CMTM5: variants seen among roughly 807,000 people sequenced by gnomAD.
CMTM5 encodes CKLF like MARVEL transmembrane domain containing 5.
Under a neutral mutation model 26.9 loss-of-function variants are expected in CMTM5, and 25 were observed. The ratio of observed to expected loss-of-function variants is 0.93; its 90% CI spans 0.68 to 1.30. CMTM5 has a LOEUF of 1.30. Ranked by LOEUF, CMTM5 falls within the 50% of genes most tolerant of loss-of-function variation. CMTM5 has a pLI of 0.00. For missense variants in CMTM5, 292 were observed against 289.6 expected (o/e 1.01, Z -0.06); for synonymous variants, 98 against 115.5 (o/e 0.85, Z 0.97).
chr14:23,377,769 A>G lies in CMTM5; in HGVS notation c.126+392A>G, dbSNP rs903974526. On this transcript the variant is annotated intron_variant, in intron 1 of 5. Coordinates refer to ENST00000339180, the MANE Select transcript of CMTM5 (RefSeq NM_001288746.2). The surrounding 1 kb of genome is among the most constrained non-coding windows in gnomAD (Gnocchi z 4.6). ...ACTTTATCTGTGGTCTGCTGCCCAG[A>G]AACATCTCTTCTCAGGAAAGGATCT... The G allele has an allele frequency of 5.1e-6, 1 of 196,262 alleles. No individual in the cohort carries two copies. The allele number at this position is 196,262 out of a possible 1,614,324, so 12.2% of individuals were successfully genotyped here.
At chr14:23,379,192 T>C in intron 4 of CMTM5, 69 bp downstream of exon 4, 1 of 1,599,490 alleles carries the variant, frequency 6.3e-7, no homozygotes, top group Non-Finnish European at 8.5e-7. Context: ...ACTTTCTGTA[T>C]CAGAAGCCAC....
In CMTM5 at chr14:23,378,676, GCCACGGGCAATCAGGAGGA is replaced by G. The variant is rs1477779197; in HGVS notation, c.292_310del (p.Gly98IlefsTer3). 3 of 1,613,004 alleles carry G rather than the reference GCCACGGGCAATCAGGAGGA, an allele frequency of 1.9e-6. No individual in the cohort carries two copies. Among genetic ancestry groups the G allele is most frequent in the Non-Finnish European group, 2.5e-6 (3 of 1,179,854 alleles). On this transcript the variant is annotated frameshift_variant, in exon 3 of 6. Coordinates refer to ENST00000339180, the MANE Select transcript of CMTM5 (RefSeq NM_001288746.2). LOFTEE classifies it high-confidence loss of function. This position sits in a 1 kb window ranked among gnomAD's most constrained non-coding sequence, Gnocchi z 4.2. ...CTCACACTGATTTCACAGCTGCAGG[GCCACGGGCAATCAGGAGGA>G]CCACATCCGCTAGATCTACTCTCCC...
rs1027538659 is a variant in CMTM5 at position 23,377,231 on chromosome 14, G to C, written c.-21G>C. ...GCTGGGCTTTTGGCAGTAGGGGGCT[G>C]TGTTGGTGGGCCCTACGAAGATGCT... is the stretch of plus-strand genomic sequence containing the variant. On this transcript the variant is annotated 5_prime_UTR_variant, in exon 1 of 6. Coordinates refer to ENST00000339180, the MANE Select transcript of CMTM5 (RefSeq NM_001288746.2). The surrounding 1 kb of genome is among the most constrained non-coding windows in gnomAD (Gnocchi z 4.6). 4 of 1,609,872 alleles carry C rather than the reference G, an allele frequency of 2.5e-6. No homozygotes were observed. Among genetic ancestry groups the C allele is most frequent in the Non-Finnish European group, 3.4e-6 (4 of 1,178,748 alleles).
rs1402928670 is a variant in CMTM5 at position 23,379,762 on chromosome 14, T to G, written c.*275T>G. ...TCTAAGTCATTCCCAAATTAAAATA[T>G]TCAAATTCTACTGGTGAGTCTCTTT... On this transcript the variant is annotated 3_prime_UTR_variant, in exon 6 of 6. Coordinates refer to ENST00000339180, the MANE Select transcript of CMTM5 (RefSeq NM_001288746.2). 2 of 757,160 alleles carry G rather than the reference T, an allele frequency of 2.6e-6. No homozygotes were observed. The highest frequency in any genetic ancestry group is 2.8e-5 in the East Asian group (1 of 35,718). The allele number at this position is 757,160 out of a possible 1,614,324, so 46.9% of individuals were successfully genotyped here.
chr14:23,376,793 A>C (rs564910359), upstream of CMTM5: 102 of 157,564 alleles, frequency 6.5e-4, 1 homozygote, highest in African/African-American at 2.3e-3. Context: ...GGACCGGCCA[A>C]ACAAGAGGGT....
rs1314958366 is a variant in CMTM5 at position 23,377,108 on chromosome 14, G to A, written c.-144G>A. The A allele has an allele frequency of 1.2e-5, 14 of 1,150,720 alleles. No individual in the cohort carries two copies. Among genetic ancestry groups the A allele is most frequent in the Admixed American group, 8.9e-5 (4 of 45,176 alleles). The allele number at this position is 1,150,720 out of a possible 1,614,324, so 71.3% of individuals were successfully genotyped here. On this transcript the variant is annotated 5_prime_UTR_variant, in exon 1 of 6. Transcript: ENST00000339180. The surrounding 1 kb of genome is among the most constrained non-coding windows in gnomAD (Gnocchi z 4.6). ...CCCCCAGCGCCTGCCTTCTCTCCCG[G>A]GGCCCTGTGGGCAAGCCTCCTGCTT...
In CMTM5 at chr14:23,377,533, C is replaced by G; in HGVS notation, c.126+156C>G. 1 of 773,848 alleles carries G rather than the reference C, an allele frequency of 1.3e-6. No homozygotes were observed. The highest frequency in any genetic ancestry group is 3.2e-5 in the East Asian group (1 of 31,202). 47.9% of individuals were successfully genotyped at this position (773,848 alleles called of 1,614,324 possible). A position where few individuals can be genotyped will look rare whatever the true frequency, so the allele number is the denominator to read the frequency against. On this transcript the variant is annotated intron_variant, in intron 1 of 5. Transcript: ENST00000339180. This position sits in a 1 kb window ranked among gnomAD's most constrained non-coding sequence, Gnocchi z 4.6. Reference sequence around the variant, plus strand: ...AGCTGCCCCTTCTTCGTCTCCTACTCTGCCTTCTTGCTGCCTCTCCACCCG... The same window carrying G: ...AGCTGCCCCTTCTTCGTCTCCTACTGTGCCTTCTTGCTGCCTCTCCACCCG...
chr14:23,378,490 TG>T lies in CMTM5; in HGVS notation c.270del (p.Trp90CysfsTer17), dbSNP rs1890686765. 1 of 1,614,034 alleles carries T rather than the reference TG, an allele frequency of 6.2e-7. No homozygotes were observed. The highest frequency in any genetic ancestry group is 8.5e-7 in the Non-Finnish European group (1 of 1,180,006). ...CTACCAGCGCTTCGACCGAATTAAC[TG>T]GCCCTGTCTGGTGAGGAACCCTGAC... ...QYYQRFDRIN[W>X]PCLLQGHGQS... On this transcript the variant is annotated frameshift_variant, in exon 2 of 6. Coordinates refer to ENST00000339180, the MANE Select transcript of CMTM5 (RefSeq NM_001288746.2). LOFTEE classifies it high-confidence loss of function. This position sits in a 1 kb window ranked among gnomAD's most constrained non-coding sequence, Gnocchi z 4.2.
chr14:23,379,702 T>C lies in CMTM5; in HGVS notation c.*215T>C. 2.4e-6 allele frequency: 1 copy of C among 425,188 alleles called. No individual in the cohort carries two copies. The highest frequency in any genetic ancestry group is 4.1e-6 in the Non-Finnish European group (1 of 243,614). 26.3% of individuals were successfully genotyped at this position (425,188 alleles called of 1,614,324 possible). A position where few individuals can be genotyped will look rare whatever the true frequency, so the allele number is the denominator to read the frequency against. On this transcript the variant is annotated 3_prime_UTR_variant, in exon 6 of 6. Transcript: ENST00000339180. ...CTCTGGCCAGAGGAGGGGAACTTAT[T>C]GGGGGAGGGGGGGTGGAGGGGAGGA...
Position 23,379,128 on chromosome 14 carries a change from G to T in CMTM5, c.573+5G>T. On this transcript the variant is annotated splice_donor_5th_base_variant and intron_variant, in intron 4 of 5. Coordinates refer to ENST00000339180, the MANE Select transcript of CMTM5 (RefSeq NM_001288746.2). ...GGAGCTGCCATTGCTGCTTTTGTGA[G>T]TTCAGCCCTGCAGGACTCCTTAGCC... 6.2e-7 allele frequency: 1 copy of T among 1,613,436 alleles called. No individual in the cohort carries two copies. The highest frequency in any genetic ancestry group is 8.5e-7 in the Non-Finnish European group (1 of 1,179,658).
rs186133248 is a variant in CMTM5, at chr14:23,377,698, G to T, written c.126+321G>T. The T allele has an allele frequency of 1.1e-3, 324 of 285,780 alleles. 6 individuals are homozygous for T. The East Asian group carries it at 0.019, about 17-fold the overall frequency. 17.7% of individuals were successfully genotyped at this position (285,780 alleles called of 1,614,324 possible). A position where few individuals can be genotyped will look rare whatever the true frequency, so the allele number is the denominator to read the frequency against. ...CTCTAACATGGCCACTTCTCAGCAC[G>T]TCCAAGAAGTCTAACTATCAAAAAG... On this transcript the variant is annotated intron_variant, in intron 1 of 5. Coordinates refer to ENST00000339180, the MANE Select transcript of CMTM5 (RefSeq NM_001288746.2). This position sits in a 1 kb window ranked among gnomAD's most constrained non-coding sequence, Gnocchi z 4.6.
In CMTM5 at chr14:23,379,702, T is replaced by TG; in HGVS notation, c.*220dup. On this transcript the variant is annotated 3_prime_UTR_variant, in exon 6 of 6. Coordinates refer to ENST00000339180, the MANE Select transcript of CMTM5 (RefSeq NM_001288746.2). ...CTCTGGCCAGAGGAGGGGAACTTATTGGGGGAGGGGGGGTGGAGGGGAGGA... is the reference window on the plus strand; with the variant it reads ...CTCTGGCCAGAGGAGGGGAACTTATTGGGGGGAGGGGGGGTGGAGGGGAGGA... 25 of 425,132 alleles carry TG rather than the reference T, an allele frequency of 5.9e-5. No individual in the cohort carries two copies. Among genetic ancestry groups the TG allele is most frequent in the East Asian group, 1.3e-4 (2 of 15,810 alleles). The allele number at this position is 425,132 out of a possible 1,614,324, so 26.3% of individuals were successfully genotyped here. A position where few individuals can be genotyped will look rare whatever the true frequency, so the allele number is the denominator to read the frequency against.
chr14:23,378,029 G>A lies in CMTM5; in HGVS notation c.127-320G>A. 3.1e-6 allele frequency: 1 copy of A among 326,488 alleles called. No individual in the cohort carries two copies. Among genetic ancestry groups the A allele is most frequent in the Non-Finnish European group, 5.6e-6 (1 of 178,440 alleles). 20.2% of individuals were successfully genotyped at this position (326,488 alleles called of 1,614,324 possible). ...GTCCCTGTGGAGTCGGGTCTCTGTG[G>A]GCACAACTCCAGGGGCTGGCATTCA... On this transcript the variant is annotated intron_variant, in intron 1 of 5. Transcript: ENST00000339180. The surrounding 1 kb of genome is among the most constrained non-coding windows in gnomAD (Gnocchi z 4.2).
At position 23,379,097 on chromosome 14, in the gene CMTM5, C is replaced by T. The variant is rs200467611; in HGVS notation, c.547C>T (p.Arg183Trp). 1.4e-4 allele frequency: 233 copies of T among 1,613,968 alleles called. No homozygotes were observed. The highest frequency in any genetic ancestry group is 1.8e-4 in the Non-Finnish European group (213 of 1,179,940). Reference protein sequence around the residue: ...LVVSFAAVTSRDGAAIAAFVF... With the variant: ...LVVSFAAVTSWDGAAIAAFVF... Reference sequence around the variant, plus strand: ...GGTCTCCTTTGCAGCTGTGACCTCCCGGGACGGAGCTGCCATTGCTGCTTT... The same window carrying T: ...GGTCTCCTTTGCAGCTGTGACCTCCTGGGACGGAGCTGCCATTGCTGCTTT... Residue 183 changes from arginine to tryptophan, a missense_variant, in exon 4 of 6, where the codon CGG (arginine) becomes TGG (tryptophan). By Grantham distance (101) the Arg-to-Trp change is moderately radical. Coordinates refer to ENST00000339180, the MANE Select transcript of CMTM5 (RefSeq NM_001288746.2).
In CMTM5 at chr14:23,377,611, G is replaced by C; in HGVS notation, c.126+234G>C. 4.4e-6 allele frequency: 2 copies of C among 454,734 alleles called. No homozygotes were observed. The highest frequency in any genetic ancestry group is 7.2e-5 in the East Asian group (2 of 27,682). The allele number at this position is 454,734 out of a possible 1,614,324, so 28.2% of individuals were successfully genotyped here. ...AGCAGGAAGGACTGCAGTTAGACAG[G>C]GTGACTTTTTGGGACATTGAGGAAG... On this transcript the variant is annotated intron_variant, in intron 1 of 5. Coordinates refer to ENST00000339180, the MANE Select transcript of CMTM5 (RefSeq NM_001288746.2). This position sits in a 1 kb window ranked among gnomAD's most constrained non-coding sequence, Gnocchi z 4.6.
Position 23,377,161 on chromosome 14 carries a change from T to C in CMTM5, c.-91T>C. The C allele has an allele frequency of 6.5e-7, 1 of 1,542,476 alleles. No homozygotes were observed. Among genetic ancestry groups the C allele is most frequent in the South Asian group, 1.2e-5 (1 of 86,070 alleles). The stretch of plus-strand genomic sequence containing the variant: ...CTTTCAGGTTTCTCGAAGTGCCTTC[T>C]TGCTCCTGTCTGTTTCCCCATCCTG... On this transcript the variant is annotated 5_prime_UTR_variant, in exon 1 of 6. Coordinates refer to ENST00000339180, the MANE Select transcript of CMTM5 (RefSeq NM_001288746.2). This position sits in a 1 kb window ranked among gnomAD's most constrained non-coding sequence, Gnocchi z 4.6.
intron 5 of CMTM5, 25 bp downstream of exon 5, chr14:23,379,408 G>A: frequency 6.2e-7 from 1 of 1,614,138 alleles, no homozygotes; most frequent in Non-Finnish European, 8.5e-7. Flanking sequence ...TCTGTGGAGA[G>A]GAGATGCCCT....
Position 23,379,669 on chromosome 14 carries a change from T to C in CMTM5, c.*182T>C. On this transcript the variant is annotated 3_prime_UTR_variant, in exon 6 of 6. Coordinates refer to ENST00000339180, the MANE Select transcript of CMTM5 (RefSeq NM_001288746.2). ...GCCTGGTGCTCCAGGATGTGGCTTC[T>C]CATGAAGCTCTGGCCAGAGGAGGGG... The C allele has an allele frequency of 8.0e-7, 1 of 1,256,726 alleles. No individual in the cohort carries two copies. The highest frequency in any genetic ancestry group is 1.0e-6 in the Non-Finnish European group (1 of 963,254). The allele number at this position is 1,256,726 out of a possible 1,614,324, so 77.8% of individuals were successfully genotyped here.
intron 4 of CMTM5, 64 bp from the exon 5 acceptor site, chr14:23,379,235 C>G (rs1595043199): frequency 1.2e-6 from 2 of 1,608,056 alleles, no homozygotes; most frequent in Non-Finnish European, 1.7e-6. Context: ...TTGCACCTCA[C>G]CCTATACCTT....
Sources: gnomAD v4.1 joint callset for allele counts on GRCh38, gnomAD v4.1.1 for gene constraint, Gnocchi (gnomAD v3.1) non-coding constraint, MANE v1.5 for transcripts, NCBI Gene and HGNC (gene_info 2026-07-23, HGNC 2026-07-21) for gene names.